Variants in UGT2B7 observed in about 807,000 individuals in gnomAD.
The protein encoded by UGT2B7 is UDP glucuronosyltransferase family 2 member B7.
Under a neutral mutation model 51.9 loss-of-function variants are expected in UGT2B7, and 51 were observed. The ratio of observed to expected loss-of-function variants is 0.98; its 90% confidence interval spans 0.78 to 1.24. The LOEUF (loss-of-function observed/expected upper bound fraction) is 1.24. Among genes scored for constraint, UGT2B7 ranks in the 50% most tolerant of loss-of-function variants. UGT2B7 has a pLI of 0.00. For synonymous variants in UGT2B7, 225 were observed against 211.6 expected (o/e 1.06, Z -0.55); for missense variants, 727 against 628.4 (o/e 1.16, Z -1.68).
In UGT2B7 at chr4:69,107,224, C is replaced by G; in HGVS notation, c.1052C>G (p.Thr351Ser). The G allele has an allele frequency of 1.9e-6, 3 of 1,609,856 alleles. No individual in the cohort carries two copies. Among genetic ancestry groups the G allele is most frequent in the Non-Finnish European group, 2.5e-6 (3 of 1,177,320 alleles). Residue 351 changes from threonine to serine, a missense_variant, in exon 4 of 6, where the codon ACT becomes AGT. Thr to Ser is a moderately conservative substitution (Grantham distance 58, BLOSUM62 1). Coordinates refer to ENST00000305231, the MANE Select transcript of UGT2B7 (RefSeq NM_001074.4). ...GNKPDTLGLN[T>S]RLYKWIPQND... Reference sequence around the variant, plus strand: ...AAACCAGATACCTTAGGTCTCAATACTCGGCTCTACAAGTGGATACCCCAG... The same window carrying G: ...AAACCAGATACCTTAGGTCTCAATAGTCGGCTCTACAAGTGGATACCCCAG...
Position 69,096,975 on chromosome 4 carries a change from C to G in UGT2B7, c.455C>G (p.Ala152Gly). ...ESRFDVIFAD[A>G]IFPCSELLAE... The stretch of plus-strand genomic sequence containing the variant: ...AGATTTGACGTCATTTTTGCAGATG[C>G]TATTTTTCCCTGTAGTGAGCTGCTG... The change falls in exon 1 of 6, where the codon GCT becomes GGT. Residue 152 changes from alanine (A) to glycine (G), a missense_variant. Ala to Gly is a moderately conservative substitution (Grantham distance 60, BLOSUM62 0). Transcript: ENST00000305231. The G allele has an allele frequency of 6.2e-7, 1 of 1,613,626 alleles. No individual in the cohort carries two copies. Among genetic ancestry groups the G allele is most frequent in the South Asian group, 1.1e-5 (1 of 91,004 alleles).
chr4:69,083,952 T>C (rs1350248547), intron 1 of UGT2B7, among the ~76,000 whole-genome samples: 1 of 152,126 alleles, frequency 6.6e-6, no homozygotes, highest in Non-Finnish European at 1.5e-5. Context: ...CTTTGTCTTG[T>C]TCCAGATCTT....
At chr4:69,103,503 C>T (rs1719493364) in intron 3 of UGT2B7, among the ~76,000 whole-genome samples, 1 of 152,144 alleles carries the variant, frequency 6.6e-6, no homozygotes, top group African/African-American at 2.4e-5. Flanking sequence ...TATTAACACT[C>T]ATACATACTG....
At chr4:69,052,271 C>A (rs928635797) in intron 1 of UGT2B7, among the ~76,000 whole-genome samples, 2 of 151,836 alleles carry the variant, frequency 1.3e-5, no homozygotes, top group African/African-American at 2.4e-5. Flanking sequence ...AGACCCCTTC[C>A]CCCCCAACAG....
chr4:69,110,382 T>C (rs570700355), intron 5 of UGT2B7, among the ~76,000 whole-genome samples: 1 of 152,088 alleles, frequency 6.6e-6, no homozygotes, highest in East Asian at 1.9e-4. Flanking sequence ...AAGAGGTGAA[T>C]CACAACTATG....
chr4:69,064,094 A>AAGAAAGAAAGAGAGAGAG (rs1560499755), intron 1 of UGT2B7, among the ~76,000 whole-genome samples: 2 of 84,420 alleles, frequency 2.4e-5, no homozygotes, highest in Non-Finnish European at 2.4e-5. Context: ...GAAAGAAAGA[A>AAGAAAGAAAGAGAGAGAG]AGAGAAAGAA....
chr4:69,098,526 TCTA>T lies in UGT2B7; in HGVS notation c.722-13_722-11del. Reference sequence around the variant, plus strand: ...TCTTGTGTCATCCACCTTTTTTTTTTCTATTCCTGTCAGGAAGACCCACTACAT... The same window carrying T: ...TCTTGTGTCATCCACCTTTTTTTTTTTTCCTGTCAGGAAGACCCACTACAT... On this transcript the variant is annotated splice_polypyrimidine_tract_variant and intron_variant, in intron 1 of 5. Transcript: ENST00000305231. 1 of 1,586,398 alleles carries T rather than the reference TCTA, an allele frequency of 6.3e-7. No homozygotes were observed. Among genetic ancestry groups the T allele is most frequent in the Non-Finnish European group, 8.5e-7 (1 of 1,172,990 alleles).
At chr4:69,078,396 G>A (rs573652667) in intron 1 of UGT2B7, among the ~76,000 whole-genome samples, 3 of 152,082 alleles carry the variant, frequency 2.0e-5, no homozygotes, top group Non-Finnish European at 2.9e-5. Flanking sequence ...TTGTACCTCT[G>A]GTAGAATTCA....
chr4:69,060,368 G>C (rs1718317549), intron 1 of UGT2B7, among the ~76,000 whole-genome samples: 1 of 152,190 alleles, frequency 6.6e-6, no homozygotes, highest in Non-Finnish European at 1.5e-5. Context: ...AGGGCCAGCA[G>C]GGTCCTGCTG....
chr4:69,076,338 GA>G (rs1718707632), intron 1 of UGT2B7, among the ~76,000 whole-genome samples: 1 of 152,184 alleles, frequency 6.6e-6, no homozygotes, highest in Admixed American at 6.5e-5. Context: ...TCTAGTTCTA[GA>G]TCCTTGAAGA....
intron 1 of UGT2B7, among the ~76,000 whole-genome samples, chr4:69,081,877 G>T (rs1365205042): frequency 4.6e-5 from 7 of 151,852 alleles, no homozygotes; most frequent in African/African-American, 1.7e-4. Context: ...CACATATTTA[G>T]GTTTTTTTGT....
chr4:69,079,927 T>C (rs1336150027), intron 1 of UGT2B7, among the ~76,000 whole-genome samples: 1 of 152,160 alleles, frequency 6.6e-6, no homozygotes, highest in Non-Finnish European at 1.5e-5. Flanking sequence ...GTATATAGCT[T>C]GGAAATAATA....
chr4:69,108,346 T>C (rs745917758), intron 5 of UGT2B7, 24 bp downstream of exon 5: 1 of 1,610,132 alleles, frequency 6.2e-7, no homozygotes, highest in Non-Finnish European at 8.5e-7. Flanking sequence ...TATTTTTCAC[T>C]AGGTGGTATT....
At chr4:69,070,670 T>C (rs927263949) in intron 1 of UGT2B7, among the ~76,000 whole-genome samples, 1 of 151,750 alleles carries the variant, frequency 6.6e-6, no homozygotes, top group Non-Finnish European at 1.5e-5. Flanking sequence ...AAATAGAAAA[T>C]TACATAAAAA....
Position 69,097,228 on chromosome 4 carries a change from T to C in UGT2B7, c.708T>C (p.Tyr236=), listed in dbSNP as rs753263840. ...IFDMKKWDQF[Y]SEVLGRPTTL... is the part of the protein sequence containing the mutation. Reference sequence around the variant, plus strand: ...ACATGAAGAAGTGGGATCAGTTTTATAGTGAAGTTCTAGGTAAGTATTTTT... The same window carrying C: ...ACATGAAGAAGTGGGATCAGTTTTACAGTGAAGTTCTAGGTAAGTATTTTT... The change falls in exon 1 of 6, where the codon TAT becomes TAC. Residue 236 remains tyrosine, a synonymous_variant. Transcript: ENST00000305231. 2.5e-5 allele frequency: 40 copies of C among 1,610,070 alleles called. No individual in the cohort carries two copies. Among genetic ancestry groups the C allele is most frequent in the Non-Finnish European group, 3.2e-5 (38 of 1,178,688 alleles).
At chr4:69,104,976 G>A (rs1163247886) in intron 3 of UGT2B7, among the ~76,000 whole-genome samples, 6 of 152,132 alleles carry the variant, frequency 3.9e-5, no homozygotes, top group African/African-American at 9.6e-5. Flanking sequence ...TAGGCGGACA[G>A]ACAACTATCC....
intron 4 of UGT2B7, 136 bp downstream of exon 4, chr4:69,107,398 C>G: frequency 2.9e-6 from 3 of 1,033,472 alleles, no homozygotes; most frequent in Non-Finnish European, 4.0e-6. Flanking sequence ...ATTTTCCAGT[C>G]TTAAGGGAGA....
chr4:69,087,481 T>C (rs1718988045), intron 1 of UGT2B7, among the ~76,000 whole-genome samples: 1 of 152,028 alleles, frequency 6.6e-6, no homozygotes, highest in Non-Finnish European at 1.5e-5. Context: ...ACCACAATTA[T>C]AGTATTAGAG....
chr4:69,107,358 G>A, intron 4 of UGT2B7, 96 bp downstream of exon 4: 1 of 1,335,934 alleles, frequency 7.5e-7, no homozygotes, highest in Admixed American at 2.5e-5. Context: ...TATTTGTTAA[G>A]GAAAAACAAA....
Sources: allele counts gnomAD v4.1 joint callset (sites outside exome capture counted in the v4.1 genomes callset), GRCh38; gene constraint gnomAD v4.1.1; transcripts MANE v1.5; gene names NCBI Gene and HGNC (gene_info 2026-07-23, HGNC 2026-07-21).